The following CNGA3 variants were observed in gnomAD, a reference collection of about 807,000 sequenced individuals.
The protein encoded by CNGA3 is cyclic nucleotide-gated channel alpha-3.
Under a neutral mutation model 46.6 loss-of-function variants are expected in CNGA3, and 42 were observed. The ratio of observed to expected loss-of-function variants is 0.90; its 90% confidence interval spans 0.70 to 1.17. The LOEUF (loss-of-function observed/expected upper bound fraction) is 1.17. Among genes scored for constraint, CNGA3 ranks in the 50% most tolerant of loss-of-function variants. The pLI, the probability that CNGA3 is intolerant of heterozygous loss-of-function variation, is 0.00. For synonymous variants in CNGA3, 394 were observed against 369.4 expected (o/e 1.07, Z -0.76); for missense variants, 893 against 890.7 (o/e 1.00, Z -0.03).
At chr2:98,348,916 G>T (rs17030338) in intron 1 of CNGA3, among the ~76,000 whole-genome samples, 3,454 of 152,244 alleles carry the variant, frequency 0.023, 131 homozygotes, top group African/African-American at 0.08. Flanking sequence ...AGAGGTGGGA[G>T]TGACTGACTC....
At chr2:98,354,657 C>T (rs908610694) in intron 1 of CNGA3, among the ~76,000 whole-genome samples, 3 of 152,138 alleles carry the variant, frequency 2.0e-5, no homozygotes, top group Admixed American at 2.0e-4. Context: ...TGGTGGTGTG[C>T]ACCTGTGGTC....
intron 1 of CNGA3, among the ~76,000 whole-genome samples, chr2:98,362,468 A>G (rs115002453): frequency 0.014 from 2,135 of 151,428 alleles, 62 homozygotes; most frequent in African/African-American, 0.049. Flanking sequence ...GATGTGAACC[A>G]CTACACCCGG....
At chr2:98,348,766 G>GA (rs935601975) in intron 1 of CNGA3, among the ~76,000 whole-genome samples, 3 of 152,206 alleles carry the variant, frequency 2.0e-5, no homozygotes, top group African/African-American at 7.2e-5. Context: ...TCTGGTGGGA[G>GA]AAACAAAATT....
chr2:98,378,757 T>G (rs141153006), intron 3 of CNGA3, among the ~76,000 whole-genome samples: 46 of 152,310 alleles, frequency 3.0e-4, no homozygotes, highest in African/African-American at 1.1e-3. Flanking sequence ...CAGGGTGTGT[T>G]GTAAGCTTGC....
At chr2:98,381,405 G>A in intron 4 of CNGA3, among the ~76,000 whole-genome samples, 1 of 152,190 alleles carries the variant, frequency 6.6e-6, no homozygotes, top group East Asian at 1.9e-4. Context: ...ATGGGTTCAG[G>A]TTTGGAGCTT....
chr2:98,362,832 G>T (rs1437783464), intron 1 of CNGA3, among the ~76,000 whole-genome samples: 4 of 152,160 alleles, frequency 2.6e-5, no homozygotes, highest in Non-Finnish European at 5.9e-5. Flanking sequence ...TTTTGTAAAA[G>T]GTGTAAGGAA....
At chr2:98,376,669 C>G (rs1692412079) in intron 2 of CNGA3, among the ~76,000 whole-genome samples, 2 of 152,088 alleles carry the variant, frequency 1.3e-5, no homozygotes, top group South Asian at 4.2e-4. Flanking sequence ...TGAAGCTTTT[C>G]CCTGGTATTA....
intron 5 of CNGA3, among the ~76,000 whole-genome samples, chr2:98,387,441 C>T (rs1362070268): frequency 6.6e-6 from 1 of 152,148 alleles, no homozygotes; most frequent in Non-Finnish European, 1.5e-5. Flanking sequence ...AGGGGTTGTC[C>T]CTTCCGCAAC....
At chr2:98,385,480 A>G (rs1388679629) in intron 5 of CNGA3, among the ~76,000 whole-genome samples, 2 of 152,198 alleles carry the variant, frequency 1.3e-5, no homozygotes, top group African/African-American at 4.8e-5. Flanking sequence ...CATGCTAACC[A>G]TGGAATTCCA....
At chr2:98,355,034 T>C (rs985489917) in intron 1 of CNGA3, among the ~76,000 whole-genome samples, 8 of 152,242 alleles carry the variant, frequency 5.3e-5, no homozygotes, top group African/African-American at 1.9e-4. Flanking sequence ...TGTTGGATTT[T>C]TGCCAAATGC....
chr2:98,359,091 C>G (rs374636255), intron 1 of CNGA3, among the ~76,000 whole-genome samples: 15 of 152,274 alleles, frequency 9.9e-5, no homozygotes, highest in African/African-American at 3.6e-4. Context: ...AGAGGACAAG[C>G]CAACCCAGAT....
chr2:98,378,840 C>G (rs974263141), intron 3 of CNGA3, among the ~76,000 whole-genome samples: 1 of 152,230 alleles, frequency 6.6e-6, no homozygotes, highest in Non-Finnish European at 1.5e-5. Flanking sequence ...GTCACCTTCC[C>G]CCTCCCATTT....
chr2:98,368,401 C>G (rs1274949462), intron 1 of CNGA3, among the ~76,000 whole-genome samples: 1 of 152,216 alleles, frequency 6.6e-6, no homozygotes, highest in Non-Finnish European at 1.5e-5. Flanking sequence ...AGAGCCTGTG[C>G]TAATCTATTT....
Position 98,377,729 on chromosome 2 carries a change from G to A in CNGA3, c.144G>A (p.Pro48=), listed in dbSNP as rs199670952. 150 of 1,613,400 alleles carry A rather than the reference G, an allele frequency of 9.3e-5. No individual in the cohort carries two copies. Among genetic ancestry groups the A allele is most frequent in the Middle Eastern group, 9.0e-4 (5 of 5,572 alleles). The part of the protein sequence containing the change: ...SSEETSSVLQ[P]GIAMETRGLA... Reference sequence around the variant, plus strand: ...AGGAGACATCGTCAGTGCTGCAGCCGGGGATCGCCATGGAGACCAGAGGAC... The same window carrying A: ...AGGAGACATCGTCAGTGCTGCAGCCAGGGATCGCCATGGAGACCAGAGGAC... The change falls in exon 3 of 8, where the codon CCG becomes CCA. Residue 48 remains proline (P), a synonymous_variant. Transcript: ENST00000272602.
chr2:98,378,790 CAG>C (rs1009417382), intron 3 of CNGA3, among the ~76,000 whole-genome samples: 5 of 152,194 alleles, frequency 3.3e-5, no homozygotes, highest in African/African-American at 9.7e-5. Flanking sequence ...CTCAGGGAAA[CAG>C]AGCCAGTGGG....
intron 7 of CNGA3, among the ~76,000 whole-genome samples, chr2:98,395,255 C>T (rs1692883292): frequency 6.6e-6 from 1 of 152,082 alleles, no homozygotes; most frequent in Non-Finnish European, 1.5e-5. Context: ...TTGCACCCTC[C>T]ACCTCCTGGG....
intron 7 of CNGA3, among the ~76,000 whole-genome samples, chr2:98,392,646 T>G (rs935512501): frequency 1.3e-5 from 2 of 152,072 alleles, no homozygotes; most frequent in South Asian, 4.2e-4. Flanking sequence ...GAAGGACCCC[T>G]CCAGCTCTCA....
At chr2:98,392,941 G>A (rs1692827622) in intron 7 of CNGA3, among the ~76,000 whole-genome samples, 1 of 152,182 alleles carries the variant, frequency 6.6e-6, no homozygotes, top group South Asian at 2.1e-4. Context: ...GCCTAAGCTG[G>A]TAGAGGCCCT....
At chr2:98,352,953 T>C (rs1207845339) in intron 1 of CNGA3, among the ~76,000 whole-genome samples, 1 of 152,196 alleles carries the variant, frequency 6.6e-6, no homozygotes, top group African/African-American at 2.4e-5. Flanking sequence ...CCCTATGCAG[T>C]CAAAAATCCA....
Sources: allele counts gnomAD v4.1 joint callset (sites outside exome capture counted in the v4.1 genomes callset), GRCh38; gene constraint gnomAD v4.1.1; transcripts MANE v1.5; gene names NCBI Gene and HGNC (gene_info 2026-07-23, HGNC 2026-07-21).